Variants in UBAC2 observed in about 807,000 individuals in gnomAD.
UBAC2 encodes UBA domain containing 2.
Under a neutral mutation model 44.0 loss-of-function variants are expected in UBAC2, and 26 were observed. That is an observed-to-expected ratio of 0.59 (90% CI 0.43 to 0.82). UBAC2 has a LOEUF of 0.82. Among genes scored for constraint, UBAC2 ranks in the 40% least tolerant of loss-of-function variants. The pLI is 0.00. For synonymous variants in UBAC2, 155 were observed against 154.3 expected, an observed-to-expected ratio of 1.00 and a Z score of -0.04; for missense variants, 329 against 419.4, an observed-to-expected ratio of 0.78 and a Z score of 1.88.
At chr13:99,371,575 G>C (rs770424839) in intron 8 of UBAC2, among the ~76,000 whole-genome samples, 26 of 152,270 alleles carry the variant, frequency 1.7e-4, no homozygotes, top group South Asian at 6.2e-4. Flanking sequence ...TTTAACCACT[G>C]TCTAAAATAT....
At chr13:99,325,424 T>A (rs945748612) in intron 6 of UBAC2, among the ~76,000 whole-genome samples, 1 of 152,178 alleles carries the variant, frequency 6.6e-6, no homozygotes, top group Non-Finnish European at 1.5e-5. Flanking sequence ...TCTTAAAAGA[T>A]AGCTTTGCAT....
intron 6 of UBAC2, among the ~76,000 whole-genome samples, chr13:99,327,951 A>C (rs2044663105): frequency 1.3e-5 from 2 of 152,194 alleles, no homozygotes; most frequent in African/African-American, 4.8e-5. Flanking sequence ...CACCATAATC[A>C]ATATGGAAAG....
chr13:99,346,118 A>G (rs1007873305), intron 7 of UBAC2, among the ~76,000 whole-genome samples: 2 of 152,142 alleles, frequency 1.3e-5, no homozygotes, highest in African/African-American at 4.8e-5. Context: ...TGTTTACCCG[A>G]AAGTCCAAAC....
At position 99,234,601 on chromosome 13, in the gene UBAC2, C is replaced by T. The variant is rs78355062; in HGVS notation, c.32-3826C>T. Among the ~76,000 whole-genome samples the T allele has an allele frequency of 5.3e-3, 807 of 152,322 alleles. 6 individuals carry two copies. Among genetic ancestry groups the T allele is most frequent in the Middle Eastern group, 0.017 (5 of 294 alleles). ...AGAGGTCAGATACTGTGTCCAATGA[C>T]AAGCATCAGTAAGTGTGAAAATGAA... is the stretch of plus-strand genomic sequence containing the variant. On this transcript the variant is annotated intron_variant, in intron 1 of 8. Coordinates refer to ENST00000403766, the MANE Select transcript of UBAC2 (RefSeq NM_001144072.2).
intron 4 of UBAC2, among the ~76,000 whole-genome samples, chr13:99,247,325 C>A (rs1432869423): frequency 6.6e-6 from 1 of 151,852 alleles, no homozygotes; most frequent in Non-Finnish European, 1.5e-5. Context: ...CGCCATTCTC[C>A]TGCCTCAGCC....
rs1303425273 is a variant in UBAC2 at position 99,203,766 on chromosome 13, C to T, written c.31+2827C>T. Among the ~76,000 whole-genome samples the T allele has an allele frequency of 2.6e-5, 4 of 152,112 alleles. No individual in the cohort carries two copies. The East Asian group carries it at 7.7e-4, about 29-fold the overall frequency. Reference sequence around the variant, plus strand: ...GGAGGACCACTTTAGCATGCATGGTCACGGAGGGTAGCCGGGAAGGTGACA... The same window carrying T: ...GGAGGACCACTTTAGCATGCATGGTTACGGAGGGTAGCCGGGAAGGTGACA... On this transcript the variant is annotated intron_variant, in intron 1 of 8. Transcript: ENST00000403766.
intron 7 of UBAC2, among the ~76,000 whole-genome samples, chr13:99,346,264 G>A (rs527722967): frequency 1.3e-5 from 2 of 152,260 alleles, no homozygotes; most frequent in South Asian, 4.1e-4. Flanking sequence ...CAGGCCACCG[G>A]CGCCATTTGC....
At chr13:99,233,543 A>G (rs1437492825) in intron 1 of UBAC2, among the ~76,000 whole-genome samples, 1 of 152,138 alleles carries the variant, frequency 6.6e-6, no homozygotes, top group Admixed American at 6.5e-5. Context: ...GAGCAGCCAG[A>G]GCAGGCGTTG....
rs1566509471 is a variant in UBAC2, at chr13:99,338,039, C to CTTTTTTCTTTTTTTTTTTTTTTTTTTTTT, written c.562-2275_562-2274insCTTTTTTTTTTTTTTTTTTTTTTTTTTTT. Among the ~76,000 whole-genome samples the CTTTTTTCTTTTTTTTTTTTTTTTTTTTTT allele has an allele frequency of 8.2e-4, 75 of 91,552 alleles. 7 individuals carry two copies. Among genetic ancestry groups the CTTTTTTCTTTTTTTTTTTTTTTTTTTTTT allele is most frequent in the South Asian group, 1.4e-3 (3 of 2,184 alleles). 60.1% of individuals were successfully genotyped at this position (91,552 alleles called of 152,430 possible). A position where few individuals can be genotyped will look rare whatever the true frequency, so the allele number is the denominator to read the frequency against. On this transcript the variant is annotated intron_variant, in intron 6 of 8. Coordinates refer to ENST00000403766, the MANE Select transcript of UBAC2 (RefSeq NM_001144072.2). ...GCAAAAAAATCTCCTAACTTTTTTT[C>CTTTTTTCTTTTTTTTTTTTTTTTTTTTTT]TTTTTTTCTTTTTTTTTTTTTTTTT...
At chr13:99,222,041 C>T (rs530185547) in intron 1 of UBAC2, among the ~76,000 whole-genome samples, 17 of 152,160 alleles carry the variant, frequency 1.1e-4, no homozygotes, top group Non-Finnish European at 2.2e-4. Flanking sequence ...AGGTTTAAAC[C>T]GTGTAAGTAA....
rs73570141 is a variant in UBAC2, at chr13:99,365,576, T to A, written c.808-2211T>A. Among the ~76,000 whole-genome samples, 1,516 of 152,270 alleles carry A rather than the reference T, an allele frequency of 1.0e-2. 28 individuals are homozygous for A. Among genetic ancestry groups the A allele is most frequent in the African/African-American group, 0.035 (1,471 of 41,562 alleles). On this transcript the variant is annotated intron_variant, in intron 7 of 8. Coordinates refer to ENST00000403766, the MANE Select transcript of UBAC2 (RefSeq NM_001144072.2). ...AATGTGTGAGGTTTTTTGTTTTAGT[T>A]ATTATTTTGATGTTGATTTCTCATT...
chr13:99,219,590 T>A (rs1180809514), intron 1 of UBAC2, among the ~76,000 whole-genome samples: 2 of 152,168 alleles, frequency 1.3e-5, no homozygotes, highest in Non-Finnish European at 2.9e-5. Context: ...TTTTTTTCAA[T>A]TTTTTTAAGC....
intron 6 of UBAC2, among the ~76,000 whole-genome samples, chr13:99,325,908 G>C (rs1236807562): frequency 6.6e-6 from 1 of 152,116 alleles, no homozygotes; most frequent in African/African-American, 2.4e-5. Flanking sequence ...TGCATTGTAT[G>C]CATGGACCAC....
At chr13:99,242,542 T>G (rs375518972) in intron 2 of UBAC2, among the ~76,000 whole-genome samples, 61 of 46,082 alleles carry the variant, frequency 1.3e-3, no homozygotes, top group East Asian at 3.1e-3. Flanking sequence ...GGGGCGGCTG[T>G]CCGGGCAGAG....
chr13:99,330,197 A>G (rs2044695235), intron 6 of UBAC2, among the ~76,000 whole-genome samples: 2 of 152,042 alleles, frequency 1.3e-5, no homozygotes, highest in African/African-American at 4.8e-5. Flanking sequence ...GTGGTGGCTC[A>G]CAGCTGTAAT....
In UBAC2 at chr13:99,314,209, T is replaced by C. The variant is rs1403561501; in HGVS notation, c.502T>C (p.Leu168=). The change falls in exon 5 of 9, where the codon TTG becomes CTG. Residue 168 remains leucine (L), a synonymous_variant. Transcript: ENST00000403766. The part of the protein sequence containing the change: ...SITNKTLIYI[L]GLQLFTSGSY... ...CACAAACAAGACATTGATTTATATA[T>C]TGGGACTGCAGGTACAGTATGCATT... The C allele has an allele frequency of 1.9e-6, 3 of 1,612,696 alleles. No homozygotes were observed. Among genetic ancestry groups the C allele is most frequent in the Non-Finnish European group, 2.5e-6 (3 of 1,179,636 alleles).
intron 7 of UBAC2, 47 bp downstream of exon 7, chr13:99,340,612 C>T: frequency 6.3e-7 from 1 of 1,580,934 alleles, no homozygotes; most frequent in Non-Finnish European, 8.6e-7. Context: ...CTCAGTGGCC[C>T]AAGCAAATCT....
intron 8 of UBAC2, 100 bp downstream of exon 8, chr13:99,368,006 C>T (rs1379712510): frequency 2.9e-6 from 4 of 1,399,510 alleles, no homozygotes; most frequent in African/African-American, 1.4e-5. Context: ...CGTGTAAATA[C>T]AAAGATGGTG....
At chr13:99,247,245 C>A (rs368836074) in intron 4 of UBAC2, among the ~76,000 whole-genome samples, 1 of 150,836 alleles carries the variant, frequency 6.6e-6, no homozygotes, top group Admixed American at 6.6e-5. Context: ...GACGGAGTCT[C>A]GCTCTGTCGC....
Sources: gnomAD v4.1 joint callset for allele counts (sites outside exome capture counted in the v4.1 genomes callset) on GRCh38, gnomAD v4.1.1 for gene constraint, MANE v1.5 for transcripts, NCBI Gene and HGNC (gene_info 2026-07-23, HGNC 2026-07-21) for gene names.